NELL1: variants seen among roughly 807,000 people sequenced by gnomAD.
The protein encoded by NELL1 is protein kinase C-binding protein NELL1.
In NELL1, 76 loss-of-function variants were observed where a neutral mutation model predicts 107.4. The ratio of observed to expected loss-of-function variants is 0.71; its 90% CI spans 0.59 to 0.86. The LOEUF (loss-of-function observed/expected upper bound fraction) is 0.86, where lower values mean the gene tolerates loss of function less well. Ranked by LOEUF, NELL1 falls within the 40% of genes least tolerant of loss-of-function variation. NELL1 has a pLI of 0.00. For missense variants in NELL1, 1,024 were observed against 1,005.5 expected, an observed-to-expected ratio of 1.02 and a Z score of -0.25; for synonymous variants, 353 against 341.2, an observed-to-expected ratio of 1.03 and a Z score of -0.38.
chr11:21,292,970 A>C (rs1320653574), intron 14 of NELL1, among the ~76,000 whole-genome samples: 1 of 152,212 alleles, frequency 6.6e-6, no homozygotes, highest in Non-Finnish European at 1.5e-5. Flanking sequence ...AAACCATAAA[A>C]ACCCTAGAAG....
intron 14 of NELL1, among the ~76,000 whole-genome samples, chr11:21,337,789 T>TTTCTTTCC (rs1488075458): frequency 2.2e-5 from 3 of 134,676 alleles, no homozygotes; most frequent in African/African-American, 8.5e-5. Flanking sequence ...TCTTTCTTTC[T>TTTCTTTCC]TTCTTTCCTT....
chr11:20,853,720 GA>G (rs1219609443), intron 4 of NELL1, among the ~76,000 whole-genome samples: 7 of 152,248 alleles, frequency 4.6e-5, no homozygotes, highest in East Asian at 1.9e-4. Context: ...ATGGATTCAG[GA>G]CATAATGTGT....
At chr11:21,084,905 G>A (rs960742300) in intron 12 of NELL1, among the ~76,000 whole-genome samples, 8 of 152,066 alleles carry the variant, frequency 5.3e-5, no homozygotes, top group Non-Finnish European at 8.8e-5. Context: ...TAGACTACCT[G>A]GTATTGAATC....
chr11:20,916,987 A>G (rs1452816854), intron 5 of NELL1, among the ~76,000 whole-genome samples: 2 of 151,932 alleles, frequency 1.3e-5, no homozygotes, highest in Non-Finnish European at 2.9e-5. Context: ...CTGACTTCTA[A>G]TCCATGCTTG....
At chr11:21,162,176 C>G (rs561417577) in intron 13 of NELL1, among the ~76,000 whole-genome samples, 1 of 152,214 alleles carries the variant, frequency 6.6e-6, no homozygotes, top group Non-Finnish European at 1.5e-5. Flanking sequence ...GTCTCAATCC[C>G]CTGACCTCAT....
At chr11:21,099,762 T>A (rs1417025183) in intron 12 of NELL1, among the ~76,000 whole-genome samples, 1 of 152,200 alleles carries the variant, frequency 6.6e-6, no homozygotes, top group African/African-American at 2.4e-5. Flanking sequence ...GCATTTGAAC[T>A]ATTTGTCACA....
rs116160072 is a variant in NELL1, at chr11:21,445,652, C to T, written c.1645+74704C>T. Among the ~76,000 whole-genome samples, 349 of 152,244 alleles carry T rather than the reference C, an allele frequency of 2.3e-3. 1 individual carries two copies. Among genetic ancestry groups the T allele is most frequent in the African/African-American group, 7.9e-3 (328 of 41,558 alleles). On this transcript the variant is annotated intron_variant, in intron 15 of 19. Coordinates refer to ENST00000357134, the MANE Select transcript of NELL1 (RefSeq NM_006157.5). Reference sequence around the variant, plus strand: ...CGGCCTATACCAGTGAGTTCTGTACCTTTAGGTGATTTCATATTGCTTATT... The same window carrying T: ...CGGCCTATACCAGTGAGTTCTGTACTTTTAGGTGATTTCATATTGCTTATT...
At chr11:21,472,151 TTTTGTTTGTTTG>T (rs145893225) in intron 15 of NELL1, among the ~76,000 whole-genome samples, 11 of 150,924 alleles carry the variant, frequency 7.3e-5, no homozygotes, top group South Asian at 6.3e-4. Flanking sequence ...TTCTGTTTTG[TTTTGTTTGTTTG>T]TTTGTTTGTT....
At chr11:21,088,834 A>G (rs1245229964) in intron 12 of NELL1, among the ~76,000 whole-genome samples, 1 of 152,184 alleles carries the variant, frequency 6.6e-6, no homozygotes, top group Non-Finnish European at 1.5e-5. Flanking sequence ...TTAATTTTTC[A>G]AAGAGGTACG....
chr11:21,067,009 C>A (rs1440182009), intron 12 of NELL1, among the ~76,000 whole-genome samples: 1 of 133,236 alleles, frequency 7.5e-6, no homozygotes, highest in African/African-American at 2.7e-5. Flanking sequence ...AGAGTTCCTA[C>A]CCTCTTGGAG....
At chr11:20,795,235 C>A (rs1322537756) in intron 3 of NELL1, among the ~76,000 whole-genome samples, 1 of 152,078 alleles carries the variant, frequency 6.6e-6, no homozygotes, top group African/African-American at 2.4e-5. Context: ...GGTAACTGAG[C>A]CAATTGAGTT....
At chr11:21,168,449 C>T (rs886167275) in intron 13 of NELL1, among the ~76,000 whole-genome samples, 6 of 151,762 alleles carry the variant, frequency 4.0e-5, no homozygotes, top group Non-Finnish European at 7.4e-5. Context: ...ATCACATCCT[C>T]CTCCCTTTCT....
At chr11:21,559,421 G>A (rs933919197) in intron 16 of NELL1, among the ~76,000 whole-genome samples, 2 of 152,122 alleles carry the variant, frequency 1.3e-5, no homozygotes, top group African/African-American at 4.8e-5. Context: ...TTGTGTTTGA[G>A]ATGTTGTTAA....
intron 15 of NELL1, among the ~76,000 whole-genome samples, chr11:21,445,600 G>A (rs1281645738): frequency 6.6e-6 from 1 of 152,160 alleles, no homozygotes; most frequent in Non-Finnish European, 1.5e-5. Flanking sequence ...TGAAAGCACT[G>A]GGATTATAGG....
At chr11:20,884,106 A>T (rs1849460080) in intron 4 of NELL1, among the ~76,000 whole-genome samples, 1 of 152,202 alleles carries the variant, frequency 6.6e-6, no homozygotes, top group Non-Finnish European at 1.5e-5. Flanking sequence ...GCCAGCTGAA[A>T]ACCTTGCATG....
At chr11:20,761,123 G>A (rs541338102) in intron 2 of NELL1, among the ~76,000 whole-genome samples, 32 of 152,236 alleles carry the variant, frequency 2.1e-4, no homozygotes, top group Non-Finnish European at 3.5e-4. Flanking sequence ...AGGTGGTGGA[G>A]GAGGAAGAAT....
At chr11:20,789,218 G>C (rs1377388130) in intron 3 of NELL1, among the ~76,000 whole-genome samples, 1 of 152,190 alleles carries the variant, frequency 6.6e-6, no homozygotes, top group African/African-American at 2.4e-5. Flanking sequence ...ACTGGCCTAG[G>C]TGTCATGCCT....
chr11:21,227,726 T>C (rs1484526785), intron 13 of NELL1, among the ~76,000 whole-genome samples: 2 of 152,210 alleles, frequency 1.3e-5, no homozygotes, highest in Non-Finnish European at 2.9e-5. Flanking sequence ...TATCTTCTTT[T>C]CTCACCGTTT....
intron 19 of NELL1, 144 bp downstream of exon 19, chr11:21,573,553 A>G (rs1857153806): frequency 1.4e-6 from 1 of 702,130 alleles, no homozygotes; most frequent in East Asian, 2.7e-5. Context: ...ATAGGAATTT[A>G]ATATGTATGA....
Sources: allele counts gnomAD v4.1 joint callset (sites outside exome capture counted in the v4.1 genomes callset), GRCh38; gene constraint gnomAD v4.1.1; transcripts MANE v1.5; gene names NCBI Gene and HGNC (gene_info 2026-07-23, HGNC 2026-07-21).